Variants in PCIF1 observed in about 807,000 individuals in gnomAD.
PCIF1 encodes mRNA (2'-O-methyladenosine-N(6)-)-methyltransferase.
In PCIF1, 12 loss-of-function variants were observed where a neutral mutation model predicts 86.9. That is an observed-to-expected ratio of 0.14 (90% CI 0.09 to 0.22). The LOEUF (loss-of-function observed/expected upper bound fraction) is 0.22, where lower values mean the gene tolerates loss of function less well. PCIF1 is among the 10% of genes least tolerant of loss of function. The pLI, the probability that PCIF1 is intolerant of heterozygous loss-of-function variation, is 1.00. For missense variants in PCIF1, 701 were observed against 951.1 expected (o/e 0.74, Z 3.46); for synonymous variants, 397 against 372.0 (o/e 1.07, Z -0.77).
chr20:45,944,017 C>T (rs1343286443), intron 10 of PCIF1, among the ~76,000 whole-genome samples: 3 of 152,162 alleles, frequency 2.0e-5, no homozygotes, highest in African/African-American at 7.2e-5. Flanking sequence ...CCACACACCA[C>T]AGATAGCTGC....
At chr20:45,942,827 G>A (rs187580787) in intron 7 of PCIF1, among the ~76,000 whole-genome samples, 93 of 133,970 alleles carry the variant, frequency 6.9e-4, no homozygotes, top group African/African-American at 2.4e-3. Context: ...TGCCCAGGCC[G>A]GTCTTGAACT....
Position 45,937,397 on chromosome 20 carries a change from GT to G in PCIF1, c.-187-17del. ...TGCAGCATCCCACAGGTCTGTGACT[GT>G]TTTCCTATTTGCTTTCCAGCTGCTG... On this transcript the variant is annotated intron_variant, in intron 1 of 16. Transcript: ENST00000372409. The G allele has an allele frequency of 2.5e-6, 1 of 399,380 alleles. No homozygotes were observed. The highest frequency in any genetic ancestry group is 3.6e-5 in the East Asian group (1 of 28,088). 24.7% of individuals were successfully genotyped at this position (399,380 alleles called of 1,614,324 possible).
Position 45,940,577 on chromosome 20 carries a change from G to T in PCIF1, c.352G>T (p.Glu118Ter). The change falls in exon 5 of 17, where the codon GAG (glutamate) becomes TAG (stop). Residue 118 changes from glutamate (E) to a stop codon, truncating the protein, a stop_gained. Coordinates refer to ENST00000372409, the MANE Select transcript of PCIF1 (RefSeq NM_022104.4). LOFTEE classifies it high-confidence loss of function. The stretch of plus-strand genomic sequence containing the variant: ...GCCCAGAAAGCGGCAGCTCTCGGAA[G>T]AGCAGCCAAGCGGCAATGGTGTGAA... Reference protein sequence around the residue: ...NKPRKRQLSEEQPSGNGVKKP... With the variant: ...NKPRKRQLSE 6.2e-7 allele frequency: 1 copy of T among 1,610,792 alleles called. No homozygotes were observed. The highest frequency in any genetic ancestry group is 2.2e-5 in the East Asian group (1 of 44,742).
chr20:45,935,822 A>ATTT (rs547747854), intron 1 of PCIF1, among the ~76,000 whole-genome samples: 57 of 140,038 alleles, frequency 4.1e-4, no homozygotes, highest in African/African-American at 1.4e-3. Context: ...CAGGAGTCTG[A>ATTT]TTTTTTTTTT....
At chr20:45,940,330 G>T in intron 4 of PCIF1, 145 bp from the exon 5 acceptor site, 1 of 1,040,950 alleles carries the variant, frequency 9.6e-7, no homozygotes, top group Non-Finnish European at 1.3e-6. Flanking sequence ...GGCAGGACTG[G>T]AGCCCAGTGT....
chr20:45,947,196 C>G lies in PCIF1; in HGVS notation c.1707+30C>G. 2.5e-6 allele frequency: 4 copies of G among 1,602,790 alleles called. No individual in the cohort carries two copies. Among genetic ancestry groups the G allele is most frequent in the Non-Finnish European group, 3.4e-6 (4 of 1,171,484 alleles). On this transcript the variant is annotated intron_variant, in intron 15 of 16. Transcript: ENST00000372409. This position sits in a 1 kb window ranked among gnomAD's most constrained non-coding sequence, Gnocchi z 5.4. The stretch of plus-strand genomic sequence containing the variant: ...GTGCACTGCCAGGGTGAGAGGTGGG[C>G]AACAGGCAGGATTGCCAGCCACCTG...
In PCIF1 at chr20:45,944,941, T is replaced by C. The variant is rs2083508507; in HGVS notation, c.1079T>C (p.Ile360Thr). ...GCAGCCAAGGACTCCGTGGAAGGCA[T>C]CTGCAGTAAGATCTACCACATCTCC... ...SAAAKDSVEG[I>T]CSKIYHISLE... The change falls in exon 11 of 17, where the codon ATC becomes ACC. Residue 360 changes from isoleucine to threonine, a missense_variant. Physicochemically the swap from Ile to Thr is moderately conservative, Grantham distance 89. Transcript: ENST00000372409. The C allele has an allele frequency of 6.2e-7, 1 of 1,614,028 alleles. No homozygotes were observed. The highest frequency in any genetic ancestry group is 1.3e-5 in the African/African-American group (1 of 74,930).
intron 14 of PCIF1, 137 bp from the exon 15 acceptor site, chr20:45,946,936 C>T (rs1302859832): frequency 2.9e-6 from 2 of 682,146 alleles, no homozygotes; most frequent in South Asian, 1.9e-5. Flanking sequence ...GCCTTGTGCC[C>T]CAATGAATTA....
At position 45,947,572 on chromosome 20, in the gene PCIF1, A is replaced by C; in HGVS notation, c.1932A>C (p.Leu644=). ...TCCACAACACGGCTGTGCTCTTCCT[A>C]CAGAACGACCCTGGCTTTGCCAAGT... is the stretch of plus-strand genomic sequence containing the variant. ...KAVHNTAVLF[L]QNDPGFAKWA... is the part of the protein sequence containing the mutation. The change falls in exon 17 of 17, where the codon CTA becomes CTC. Residue 644 remains leucine, a synonymous_variant. Transcript: ENST00000372409. The surrounding 1 kb of genome is among the most constrained non-coding windows in gnomAD (Gnocchi z 5.4). 6.2e-7 allele frequency: 1 copy of C among 1,613,602 alleles called. No homozygotes were observed. The highest frequency in any genetic ancestry group is 8.5e-7 in the Non-Finnish European group (1 of 1,180,016).
At position 45,940,589 on chromosome 20, in the gene PCIF1, G is replaced by A. The variant is rs1353319988; in HGVS notation, c.364G>A (p.Gly122Ser). Residue 122 changes from glycine (G) to serine (S), a missense_variant, in exon 5 of 17, where the codon GGC becomes AGC. Around this residue, in one of 7 missense-constraint regions of PCIF1, gnomAD observed 125 missense variants for 126.8 expected, o/e 0.99. Coordinates refer to ENST00000372409, the MANE Select transcript of PCIF1 (RefSeq NM_022104.4). The stretch of plus-strand genomic sequence containing the variant: ...GCAGCTCTCGGAAGAGCAGCCAAGC[G>A]GCAATGGTGTGAAGAAGCCCAAGGT... The part of the protein sequence containing the change: ...KRQLSEEQPS[G>S]NGVKKPKIEI... The A allele has an allele frequency of 1.2e-6, 2 of 1,611,646 alleles. No individual in the cohort carries two copies. Among genetic ancestry groups the A allele is most frequent in the South Asian group, 1.1e-5 (1 of 90,834 alleles).
At chr20:45,944,078 G>T (rs1374420925) in intron 10 of PCIF1, among the ~76,000 whole-genome samples, 1 of 152,220 alleles carries the variant, frequency 6.6e-6, no homozygotes, top group South Asian at 2.1e-4. Context: ...TTTGGAAACA[G>T]ATTGACAGCC....
At chr20:45,940,407 G>T in intron 4 of PCIF1, 68 bp from the exon 5 acceptor site, 1 of 1,496,370 alleles carries the variant, frequency 6.7e-7, no homozygotes, top group South Asian at 1.3e-5. Context: ...GAGGGCGTGA[G>T]GATTCAAAGT....
chr20:45,941,904 G>T (rs887935738), intron 7 of PCIF1, among the ~76,000 whole-genome samples: 1 of 149,794 alleles, frequency 6.7e-6, no homozygotes, highest in Non-Finnish European at 1.5e-5. Context: ...TAATTTTTAT[G>T]ATTAGTAATA....
rs2083508732 is a variant in PCIF1 at position 45,944,956 on chromosome 20, A to G, written c.1094A>G (p.Tyr365Cys). 6.2e-7 allele frequency: 1 copy of G among 1,614,064 alleles called. No homozygotes were observed. The highest frequency in any genetic ancestry group is 1.7e-5 in the Admixed American group (1 of 60,008). ...DSVEGICSKI[Y>C]HISLEYVKRI... Reference sequence around the variant, plus strand: ...GTGGAAGGCATCTGCAGTAAGATCTACCACATCTCCCTGGAGTACGTCAAA... The same window carrying G: ...GTGGAAGGCATCTGCAGTAAGATCTGCCACATCTCCCTGGAGTACGTCAAA... Residue 365 changes from tyrosine (Y) to cysteine (C), a missense_variant, in exon 11 of 17, where the codon TAC becomes TGC. Physicochemically the swap from Tyr to Cys is radical, Grantham distance 194. Coordinates refer to ENST00000372409, the MANE Select transcript of PCIF1 (RefSeq NM_022104.4).
In PCIF1 at chr20:45,947,485, A is replaced by AGGCCC. The variant is rs751457698; in HGVS notation, c.1884-38_1884-34dup. ...GGAAGGAGGCTGGGCTGGCCAGGCC[A>AGGCCC]GGCCCAGCCCCACCCTGAGCCATTG... On this transcript the variant is annotated intron_variant, in intron 16 of 16. Transcript: ENST00000372409. The surrounding 1 kb of genome is among the most constrained non-coding windows in gnomAD (Gnocchi z 5.4). 2 of 1,613,042 alleles carry AGGCCC rather than the reference A, an allele frequency of 1.2e-6. No individual in the cohort carries two copies. Among genetic ancestry groups the AGGCCC allele is most frequent in the African/African-American group, 2.7e-5 (2 of 74,930 alleles).
chr20:45,942,915 A>G (rs2083487757), intron 7 of PCIF1, among the ~76,000 whole-genome samples, 182 bp from the exon 8 acceptor site: 1 of 151,812 alleles, frequency 6.6e-6, no homozygotes, highest in Non-Finnish European at 1.5e-5. Context: ...GCCTGGCTAG[A>G]TACTTATCAA....
rs2145327463 is a variant in PCIF1 at position 45,940,819 on chromosome 20, C to T, written c.398C>T (p.Pro133Leu). 1 of 1,613,542 alleles carries T rather than the reference C, an allele frequency of 6.2e-7. No individual in the cohort carries two copies. Among genetic ancestry groups the T allele is most frequent in the Non-Finnish European group, 8.5e-7 (1 of 1,179,654 alleles). ...NGVKKPKIEI[P>L]VTPTGQSVPS... ...TGACTTTCACTACAGATTGAAATCC[C>T]AGTGACACCCACAGGCCAGTCGGTG... The change falls in exon 6 of 17, where the codon CCA (proline) becomes CTA (leucine). Residue 133 changes from proline (P) to leucine (L), a missense_variant. Around this residue, in one of 7 missense-constraint regions of PCIF1, gnomAD observed 125 missense variants for 126.8 expected, o/e 0.99. Coordinates refer to ENST00000372409, the MANE Select transcript of PCIF1 (RefSeq NM_022104.4).
intron 1 of PCIF1, among the ~76,000 whole-genome samples, chr20:45,936,885 G>A (rs2145859607): frequency 6.6e-6 from 1 of 152,340 alleles, no homozygotes; most frequent in Admixed American, 6.5e-5. Flanking sequence ...TCGAGATCGT[G>A]CAATGCACTC....
In PCIF1 at chr20:45,947,982, T is replaced by C. The variant is rs1272008338; in HGVS notation, c.*227T>C. On this transcript the variant is annotated 3_prime_UTR_variant, in exon 17 of 17. Transcript: ENST00000372409. The surrounding 1 kb of genome is among the most constrained non-coding windows in gnomAD (Gnocchi z 5.4). Reference sequence around the variant, plus strand: ...CCCCGCCCCTCACCCTGTTGCCACCTTGTTTCATTTGTAAAAGGAAATACA... The same window carrying C: ...CCCCGCCCCTCACCCTGTTGCCACCCTGTTTCATTTGTAAAAGGAAATACA... 6.6e-7 allele frequency: 1 copy of C among 1,522,330 alleles called. No homozygotes were observed. Among genetic ancestry groups the C allele is most frequent in the Non-Finnish European group, 8.8e-7 (1 of 1,137,588 alleles). The allele number at this position is 1,522,330 out of a possible 1,614,324, so 94.3% of individuals were successfully genotyped here. A position where few individuals can be genotyped will look rare whatever the true frequency, so the allele number is the denominator to read the frequency against.
Sources: gnomAD v4.1 joint callset for allele counts (sites outside exome capture counted in the v4.1 genomes callset) on GRCh38, gnomAD v4.1.1 for gene constraint, gnomAD v4.1.1 regional missense constraint, Gnocchi (gnomAD v3.1) non-coding constraint, MANE v1.5 for transcripts, NCBI Gene and HGNC (gene_info 2026-07-23, HGNC 2026-07-21) for gene names.